The following GAN variants were observed in gnomAD, a reference collection of about 807,000 sequenced individuals.
The protein encoded by GAN is epididymis secretory sperm binding protein.
In GAN, 48 loss-of-function variants were observed where a neutral mutation model predicts 71.3. The observed-to-expected ratio is 0.67, with a 90% CI of 0.53 to 0.86. The LOEUF (loss-of-function observed/expected upper bound fraction) is 0.86. Ranked by LOEUF, GAN falls within the 40% of genes least tolerant of loss-of-function variation. The pLI is 0.00. For synonymous variants in GAN, 386 were observed against 276.8 expected, an observed-to-expected ratio of 1.39 and a Z score of -3.92; for missense variants, 928 against 770.1, an observed-to-expected ratio of 1.21 and a Z score of -2.43.
In GAN at chr16:81,315,109, C is replaced by T. The variant is rs1597385599; in HGVS notation, c.-5C>T. 6.0e-6 allele frequency: 9 copies of T among 1,489,628 alleles called. No homozygotes were observed. Among genetic ancestry groups the T allele is most frequent in the African/African-American group, 1.5e-5 (1 of 68,532 alleles). 92.3% of individuals were successfully genotyped at this position (1,489,628 alleles called of 1,614,324 possible). On this transcript the variant is annotated 5_prime_UTR_variant, in exon 1 of 11. Transcript: ENST00000648994. ...GGACCCGTCGGCAGAGGAGCGGGCG[C>T]CGCGATGGCTGAGGGCAGTGCCGTG...
At chr16:81,337,745 G>T (rs1303460608) in intron 1 of GAN, among the ~76,000 whole-genome samples, 1 of 152,090 alleles carries the variant, frequency 6.6e-6, no homozygotes, top group Non-Finnish European at 1.5e-5. Flanking sequence ...ATATTGTCAA[G>T]AAAAAGTAAC....
chr16:81,374,564 G>A (rs1452685773), intron 9 of GAN, among the ~76,000 whole-genome samples: 5 of 152,290 alleles, frequency 3.3e-5, no homozygotes, highest in African/African-American at 1.2e-4. Context: ...ATTATTTATA[G>A]TATATGGATT....
At chr16:81,355,977 A>G (rs989399723) in intron 3 of GAN, among the ~76,000 whole-genome samples, 2 of 152,212 alleles carry the variant, frequency 1.3e-5, no homozygotes, top group Admixed American at 6.5e-5. Context: ...TAGAAAAATG[A>G]GAAAAATTTC....
At chr16:81,319,601 A>G (rs926649938) in intron 1 of GAN, among the ~76,000 whole-genome samples, 1 of 152,172 alleles carries the variant, frequency 6.6e-6, no homozygotes, top group Non-Finnish European at 1.5e-5. Context: ...ACCTATTGCA[A>G]CAAAAGTTTG....
chr16:81,362,219 C>G (rs1403476003), intron 5 of GAN, among the ~76,000 whole-genome samples: 1 of 152,040 alleles, frequency 6.6e-6, no homozygotes, highest in Non-Finnish European at 1.5e-5. Context: ...TTGAGATGGC[C>G]CAGAGTTGCC....
rs1400059269 is a variant in GAN, at chr16:81,351,603, C to T, written c.188C>T (p.Pro63Leu). Residue 63 changes from proline (P) to leucine (L), a missense_variant, in exon 2 of 11, where the codon CCT becomes CTT. Pro to Leu is a moderately conservative substitution (Grantham distance 98, BLOSUM62 -3). Transcript: ENST00000648994. ...PYIRTKLNYN[P>L]PKDDGSTYKI... ...CTTAGGACAAAGTTAAACTATAATC[C>T]TCCAAAAGATGATGGATCAACTTAT... 5 of 1,494,704 alleles carry T rather than the reference C, an allele frequency of 3.3e-6. No homozygotes were observed. The highest frequency in any genetic ancestry group is 1.4e-5 in the African/African-American group (1 of 72,680). The allele number at this position is 1,494,704 out of a possible 1,614,324, so 92.6% of individuals were successfully genotyped here. A position where few individuals can be genotyped will look rare whatever the true frequency, so the allele number is the denominator to read the frequency against.
chr16:81,376,465 A>ATGTGTGTG (rs56782049), intron 9 of GAN, among the ~76,000 whole-genome samples: 2,992 of 127,088 alleles, frequency 0.024, 44 homozygotes, highest in Non-Finnish European at 0.026. Context: ...ATACATACAT[A>ATGTGTGTG]TGTGTGTGTG....
chr16:81,335,725 C>T (rs1016271429), intron 1 of GAN, among the ~76,000 whole-genome samples: 9 of 107,170 alleles, frequency 8.4e-5, no homozygotes, highest in African/African-American at 3.4e-4. Flanking sequence ...CCAGCCTGGG[C>T]AACTGAATGA....
chr16:81,334,482 T>C (rs74398831), intron 1 of GAN, among the ~76,000 whole-genome samples: 7,023 of 152,226 alleles, frequency 0.046, 542 homozygotes, highest in East Asian at 0.38. Flanking sequence ...ACATGTGGTA[T>C]TGAGTAGTGA....
chr16:81,354,649 A>C lies in GAN; in HGVS notation c.527A>C (p.Gln176Pro), dbSNP rs1472901004. 6.2e-6 allele frequency: 10 copies of C among 1,613,536 alleles called. No individual in the cohort carries two copies. Among genetic ancestry groups the C allele is most frequent in the East Asian group, 2.2e-5 (1 of 44,896 alleles). The change falls in exon 3 of 11, where the codon CAA becomes CCA. Residue 176 changes from glutamine (Q) to proline (P), a missense_variant. Gln to Pro is a moderately conservative substitution (Grantham distance 76). Transcript: ENST00000648994. Reference protein sequence around the residue: ...STEEFLELSPQKLKEVISLEK... With the variant: ...STEEFLELSPPKLKEVISLEK... ...GAAGAATTCTTAGAGCTGAGTCCTCAAAAGCTTAAAGAAGTGATTTCTCTT... is the reference window on the plus strand; with the variant it reads ...GAAGAATTCTTAGAGCTGAGTCCTCCAAAGCTTAAAGAAGTGATTTCTCTT...
At position 81,354,662 on chromosome 16, in the gene GAN, A is replaced by G; in HGVS notation, c.540A>G (p.Glu180=). ...FLELSPQKLK[E]VISLEKLNVG... ...AGCTGAGTCCTCAAAAGCTTAAAGA[A>G]GTGATTTCTCTTGAGAAGTTAAACG... The change falls in exon 3 of 11, where the codon GAA becomes GAG. Residue 180 remains glutamate (E), a synonymous_variant. Transcript: ENST00000648994. 1.2e-6 allele frequency: 2 copies of G among 1,613,710 alleles called. No homozygotes were observed. The highest frequency in any genetic ancestry group is 1.7e-6 in the Non-Finnish European group (2 of 1,179,570).
intron 9 of GAN, among the ~76,000 whole-genome samples, chr16:81,376,482 TG>T (rs1904280305): frequency 1.4e-5 from 2 of 145,576 alleles, no homozygotes; most frequent in Admixed American, 1.4e-4. Flanking sequence ...TGTGTGTGTG[TG>T]TGTGTGTGTG....
chr16:81,357,988 A>C, intron 5 of GAN, 57 bp downstream of exon 5: 1 of 1,428,886 alleles, frequency 7.0e-7, no homozygotes. Flanking sequence ...TGTAATCTCA[A>C]GGTTTTACAG....
intron 1 of GAN, among the ~76,000 whole-genome samples, chr16:81,341,853 G>A (rs1156238987): frequency 1.3e-5 from 2 of 152,158 alleles, no homozygotes; most frequent in East Asian, 1.9e-4. Flanking sequence ...TGGATAAAGA[G>A]TCAAGACCCA....
At chr16:81,326,595 AC>A (rs1192906896) in intron 1 of GAN, among the ~76,000 whole-genome samples, 11 of 152,218 alleles carry the variant, frequency 7.2e-5, no homozygotes, top group African/African-American at 2.7e-4. Flanking sequence ...GCTTAATGAC[AC>A]CAATACGTTC....
chr16:81,358,794 C>G (rs1910575509), intron 5 of GAN, among the ~76,000 whole-genome samples: 1 of 152,136 alleles, frequency 6.6e-6, no homozygotes, highest in Non-Finnish European at 1.5e-5. Flanking sequence ...GAGGCATTGC[C>G]TTTGCTGGCT....
intron 2 of GAN, among the ~76,000 whole-genome samples, chr16:81,352,644 A>G (rs1366484576): frequency 6.6e-6 from 1 of 152,090 alleles, no homozygotes; most frequent in Non-Finnish European, 1.5e-5. Context: ...CTTTATCTAA[A>G]TATATTCATT....
chr16:81,347,510 C>G (rs1320169455), intron 1 of GAN, among the ~76,000 whole-genome samples: 5 of 152,116 alleles, frequency 3.3e-5, no homozygotes, highest in Admixed American at 3.3e-4. Flanking sequence ...TATCCAGAAT[C>G]TTCCACTTTC....
At chr16:81,360,900 C>G (rs888629441) in intron 5 of GAN, among the ~76,000 whole-genome samples, 17 of 152,148 alleles carry the variant, frequency 1.1e-4, no homozygotes, top group African/African-American at 4.1e-4. Context: ...TGTCTGATAT[C>G]TGTGGCTGCA....
Sources: gnomAD v4.1 joint callset for allele counts (sites outside exome capture counted in the v4.1 genomes callset) on GRCh38, gnomAD v4.1.1 for gene constraint, MANE v1.5 for transcripts, NCBI Gene and HGNC (gene_info 2026-07-23, HGNC 2026-07-21) for gene names.